CCSER1: variants seen among roughly 807,000 people sequenced by gnomAD.
The protein encoded by CCSER1 is serine-rich coiled-coil domain-containing protein 1.
In CCSER1, 41 loss-of-function variants were observed where a neutral mutation model predicts 82.0. The ratio of observed to expected loss-of-function variants is 0.50; its 90% CI spans 0.39 to 0.65. CCSER1 has a LOEUF of 0.65. Ranked by LOEUF, CCSER1 falls within the 30% of genes least tolerant of loss-of-function variation. The probability of loss-of-function intolerance (pLI) is 0.00; values close to 1 mark genes in which losing one functional copy is unlikely to be tolerated. For synonymous variants in CCSER1, 414 were observed against 383.9 expected, an observed-to-expected ratio of 1.08 and a Z score of -0.92; for missense variants, 1,119 against 1,064.2, an observed-to-expected ratio of 1.05 and a Z score of -0.72.
intron 1 of CCSER1, among the ~76,000 whole-genome samples, chr4:90,295,834 C>T (rs750058575): frequency 3.3e-5 from 5 of 152,000 alleles, no homozygotes; most frequent in Non-Finnish European, 5.9e-5. Context: ...CACATATCCC[C>T]AGTGTCCCCA....
chr4:91,312,737 C>T (rs1050196906), intron 10 of CCSER1, among the ~76,000 whole-genome samples: 19 of 151,816 alleles, frequency 1.3e-4, no homozygotes, highest in African/African-American at 4.6e-4. Flanking sequence ...TTAATGGGTC[C>T]AATGTACATT....
At chr4:91,020,236 C>T (rs951077968) in intron 9 of CCSER1, among the ~76,000 whole-genome samples, 2 of 152,170 alleles carry the variant, frequency 1.3e-5, no homozygotes, top group Non-Finnish European at 2.9e-5. Flanking sequence ...ACCTCAATGT[C>T]ATAGATGTTG....
chr4:91,108,578 C>T (rs1725835725), intron 10 of CCSER1, among the ~76,000 whole-genome samples: 1 of 152,148 alleles, frequency 6.6e-6, no homozygotes, highest in Non-Finnish European at 1.5e-5. Context: ...TTACTTTATA[C>T]TCTGACGTAT....
At chr4:90,455,949 C>CA (rs1474848535) in intron 4 of CCSER1, among the ~76,000 whole-genome samples, 3 of 151,890 alleles carry the variant, frequency 2.0e-5, no homozygotes, top group Non-Finnish European at 2.9e-5. Context: ...AAACTTGGGA[C>CA]AAAAAAATGC....
At chr4:90,645,438 A>G (rs796182143) in intron 6 of CCSER1, among the ~76,000 whole-genome samples, 1 of 152,302 alleles carries the variant, frequency 6.6e-6, no homozygotes, top group African/African-American at 2.4e-5. Context: ...CTTCTTCTAA[A>G]CAATTTCCTT....
Position 90,615,541 on chromosome 4 carries a change from G to T in CCSER1, c.1725-12484G>T, listed in dbSNP as rs1721024350. Among the ~76,000 whole-genome samples the T allele has an allele frequency of 2.6e-5, 4 of 152,136 alleles. 1 individual carries two copies. In the South Asian group the frequency reaches 8.3e-4, roughly 32 times the overall value. On this transcript the variant is annotated intron_variant, in intron 5 of 10. Coordinates refer to ENST00000509176, the MANE Select transcript of CCSER1 (RefSeq NM_001145065.2). ...ACTTCAAGGGGTTCAAGACTACAAA[G>T]ACCAGTGTAGGAAGTAACTTCAGAT...
chr4:90,817,351 G>A (rs916757887), intron 8 of CCSER1, among the ~76,000 whole-genome samples: 2 of 151,922 alleles, frequency 1.3e-5, no homozygotes, highest in East Asian at 3.9e-4. Flanking sequence ...CATTAGTTAT[G>A]ATCAGTTTTA....
chr4:91,521,525 A>G (rs1233493657), intron 10 of CCSER1, among the ~76,000 whole-genome samples: 1 of 152,134 alleles, frequency 6.6e-6, no homozygotes, highest in African/African-American at 2.4e-5. Context: ...GTTTCTCCAA[A>G]TCCTCTCCAC....
At chr4:90,237,422 G>A (rs1177488423) in intron 1 of CCSER1, among the ~76,000 whole-genome samples, 1 of 152,064 alleles carries the variant, frequency 6.6e-6, no homozygotes, top group Non-Finnish European at 1.5e-5. Context: ...CTGTAAACCT[G>A]TTTAAGGAGA....
chr4:91,144,767 GT>G (rs993661545), intron 10 of CCSER1, among the ~76,000 whole-genome samples: 2 of 151,788 alleles, frequency 1.3e-5, no homozygotes, highest in African/African-American at 2.4e-5. Flanking sequence ...TAATTGCATG[GT>G]TTTTCAGATG....
At chr4:91,444,420 G>A (rs974781000) in intron 10 of CCSER1, among the ~76,000 whole-genome samples, 1 of 150,882 alleles carries the variant, frequency 6.6e-6, no homozygotes, top group Admixed American at 6.6e-5. Flanking sequence ...CGAACACACT[G>A]AGCACAAATC....
At chr4:91,121,035 A>G (rs1426498071) in intron 10 of CCSER1, among the ~76,000 whole-genome samples, 3 of 151,910 alleles carry the variant, frequency 2.0e-5, no homozygotes, top group Admixed American at 2.0e-4. Context: ...GATGTTTAAT[A>G]AAAAACATTT....
intron 3 of CCSER1, among the ~76,000 whole-genome samples, chr4:90,342,992 G>A (rs1474145275): frequency 6.6e-6 from 1 of 151,992 alleles, no homozygotes; most frequent in East Asian, 1.9e-4. Context: ...GATTCTGGGT[G>A]CCTCTCTTCT....
intron 10 of CCSER1, among the ~76,000 whole-genome samples, chr4:91,448,990 T>C (rs1755728901): frequency 1.3e-5 from 2 of 152,030 alleles, no homozygotes; most frequent in Non-Finnish European, 2.9e-5. Context: ...CTGTTTTACA[T>C]GGGGTGGTCA....
At chr4:90,333,406 GAAACAAACACA>G (rs1739716062) in intron 3 of CCSER1, among the ~76,000 whole-genome samples, 1 of 151,550 alleles carries the variant, frequency 6.6e-6, no homozygotes, top group Non-Finnish European at 1.5e-5. Context: ...GAATTTCTCA[GAAACAAACACA>G]AAACAAACAA....
intron 5 of CCSER1, among the ~76,000 whole-genome samples, chr4:90,498,321 A>T (rs1769337922): frequency 6.6e-6 from 1 of 152,160 alleles, no homozygotes; most frequent in African/African-American, 2.4e-5. Flanking sequence ...ATTGTTTGTA[A>T]TATTTTCAGA....
intron 10 of CCSER1, among the ~76,000 whole-genome samples, chr4:91,347,055 A>C (rs1188185576): frequency 1.3e-5 from 2 of 152,114 alleles, no homozygotes; most frequent in African/African-American, 4.8e-5. Flanking sequence ...GTATCTAAAA[A>C]TTCATCACCA....
intron 4 of CCSER1, among the ~76,000 whole-genome samples, chr4:90,452,045 G>T (rs566841325): frequency 5.0e-4 from 76 of 152,172 alleles, no homozygotes; most frequent in Middle Eastern, 3.4e-3. Flanking sequence ...GCCCTCATGA[G>T]GGCAATTAGC....
intron 10 of CCSER1, among the ~76,000 whole-genome samples, chr4:91,577,462 T>TAA (rs201479325): frequency 6.6e-6 from 1 of 150,966 alleles, no homozygotes; most frequent in African/African-American, 2.4e-5. Flanking sequence ...AAAAATAAAA[T>TAA]AAAAAAAAAT....
Sources: allele counts gnomAD v4.1 joint callset (sites outside exome capture counted in the v4.1 genomes callset), GRCh38; gene constraint gnomAD v4.1.1; transcripts MANE v1.5; gene names NCBI Gene and HGNC (gene_info 2026-07-23, HGNC 2026-07-21).